Variants in CTNNA3 observed in about 807,000 individuals in gnomAD.
CTNNA3 encodes the protein catenin alpha-3.
In CTNNA3, 76 loss-of-function variants were observed where a neutral mutation model predicts 95.7. The ratio of observed to expected loss-of-function variants is 0.79; its 90% confidence interval spans 0.66 to 0.96. The LOEUF is 0.96. Among genes scored for constraint, CTNNA3 ranks in the 40% least tolerant of loss-of-function variants. The pLI, the probability that CTNNA3 is intolerant of heterozygous loss-of-function variation, is 0.00. For synonymous variants in CTNNA3, 431 were observed against 374.4 expected, an observed-to-expected ratio of 1.15 and a Z score of -1.74; for missense variants, 1,191 against 1,089.8, an observed-to-expected ratio of 1.09 and a Z score of -1.31.
intron 13 of CTNNA3, among the ~76,000 whole-genome samples, chr10:66,262,968 G>A (rs535485664): frequency 3.9e-5 from 6 of 151,988 alleles, no homozygotes; most frequent in East Asian, 1.9e-4. Flanking sequence ...GAAGTAGACC[G>A]TGGGTGAATC....
chr10:66,739,202 G>A (rs1312905317), intron 9 of CTNNA3, among the ~76,000 whole-genome samples: 1 of 152,116 alleles, frequency 6.6e-6, no homozygotes, highest in South Asian at 2.1e-4. Context: ...TTAGAGCAAT[G>A]GTTCTCAAAC....
At chr10:66,193,912 T>G (rs909062452) in intron 13 of CTNNA3, among the ~76,000 whole-genome samples, 1 of 152,162 alleles carries the variant, frequency 6.6e-6, no homozygotes, top group South Asian at 2.1e-4. Flanking sequence ...CAAGAATATA[T>G]TGTCCATACA....
rs548330894 is a variant in CTNNA3, at chr10:66,875,943, T to C, written c.1048-100419A>G. Reference sequence around the variant, plus strand: ...TCAGTGTCAGGTGCCTACAGATTTGTGGTGTGTGGCTCATTGGCTGACGTG... The same window carrying C: ...TCAGTGTCAGGTGCCTACAGATTTGCGGTGTGTGGCTCATTGGCTGACGTG... On this transcript the variant is annotated intron_variant, in intron 7 of 17. Coordinates refer to ENST00000433211, the MANE Select transcript of CTNNA3 (RefSeq NM_013266.4). 9.5e-4 allele frequency among the ~76,000 whole-genome samples: 144 copies of C among 152,232 alleles called. 1 individual carries two copies. Among genetic ancestry groups the C allele is most frequent in the African/African-American group, 3.2e-3 (134 of 41,540 alleles).
At chr10:67,249,947 A>G (rs1012193644) in intron 5 of CTNNA3, among the ~76,000 whole-genome samples, 2 of 152,254 alleles carry the variant, frequency 1.3e-5, no homozygotes, top group African/African-American at 4.8e-5. Flanking sequence ...GGTCCCAGCT[A>G]GGTACCAACA....
At chr10:65,959,424 C>G (rs1462264655) in intron 17 of CTNNA3, among the ~76,000 whole-genome samples, 1 of 152,182 alleles carries the variant, frequency 6.6e-6, no homozygotes, top group East Asian at 1.9e-4. Flanking sequence ...GAGATGAACC[C>G]AGTACCTCAG....
chr10:67,308,138 C>T (rs1390331547), intron 5 of CTNNA3, among the ~76,000 whole-genome samples: 1 of 152,150 alleles, frequency 6.6e-6, no homozygotes, highest in African/African-American at 2.4e-5. Context: ...ATCATTCCTT[C>T]CCCTCTTTTG....
At chr10:66,890,032 C>G (rs1300994355) in intron 7 of CTNNA3, among the ~76,000 whole-genome samples, 2 of 152,088 alleles carry the variant, frequency 1.3e-5, no homozygotes. Context: ...CTCAAGTGAT[C>G]CACCCGCCTT....
intron 7 of CTNNA3, among the ~76,000 whole-genome samples, chr10:67,022,887 G>A (rs1009977384): frequency 2.6e-5 from 4 of 152,094 alleles, no homozygotes; most frequent in Admixed American, 6.5e-5. Context: ...GCAGTGAGCC[G>A]AGATCATGCC....
intron 11 of CTNNA3, among the ~76,000 whole-genome samples, chr10:66,480,472 G>A (rs574358166): frequency 1.3e-5 from 2 of 151,940 alleles, no homozygotes; most frequent in South Asian, 4.2e-4. Context: ...TATTTAACTA[G>A]TCATTTATTC....
intron 13 of CTNNA3, among the ~76,000 whole-genome samples, chr10:66,142,782 T>G (rs965448163): frequency 6.6e-6 from 1 of 152,130 alleles, no homozygotes; most frequent in African/African-American, 2.4e-5. Context: ...TTTTCTTCAG[T>G]GAATTCTAAT....
chr10:67,195,513 G>T (rs1863317716), intron 6 of CTNNA3, among the ~76,000 whole-genome samples: 1 of 122,108 alleles, frequency 8.2e-6, no homozygotes, highest in South Asian at 3.1e-4. Context: ...ATCGGGGGCG[G>T]GGGGCGGGTA....
chr10:66,719,424 AG>A (rs1290095917), intron 9 of CTNNA3, among the ~76,000 whole-genome samples: 1 of 152,170 alleles, frequency 6.6e-6, no homozygotes, highest in Non-Finnish European at 1.5e-5. Flanking sequence ...ACATTTTAGG[AG>A]CAAAAGATAT....
At chr10:66,853,389 T>C (rs533483276) in intron 7 of CTNNA3, among the ~76,000 whole-genome samples, 3 of 152,272 alleles carry the variant, frequency 2.0e-5, no homozygotes, top group South Asian at 4.1e-4. Context: ...AACTCTCTTT[T>C]ATGTGCAATT....
chr10:67,718,518 G>C (rs997026901), intron 1 of CTNNA3, among the ~76,000 whole-genome samples: 24 of 152,112 alleles, frequency 1.6e-4, no homozygotes, highest in Admixed American at 1.3e-4. Flanking sequence ...TAGCATGAAG[G>C]GGTGTTAAAT....
At chr10:66,123,757 G>A (rs1436217074) in intron 13 of CTNNA3, among the ~76,000 whole-genome samples, 1 of 152,166 alleles carries the variant, frequency 6.6e-6, no homozygotes, top group Non-Finnish European at 1.5e-5. Context: ...ACATCATGTG[G>A]AAGCTGACAA....
intron 3 of CTNNA3, among the ~76,000 whole-genome samples, chr10:67,560,942 C>A (rs1013711798): frequency 6.6e-6 from 1 of 152,090 alleles, no homozygotes; most frequent in African/African-American, 2.4e-5. Context: ...AGCTAACTAT[C>A]CTAAATATAT....
At chr10:66,802,930 T>C (rs1356880189) in intron 7 of CTNNA3, among the ~76,000 whole-genome samples, 1 of 152,004 alleles carries the variant, frequency 6.6e-6, no homozygotes, top group Non-Finnish European at 1.5e-5. Context: ...CAAAGAAATC[T>C]GAACCTTGAT....
At chr10:67,013,629 CAAAAGTATT>C (rs1227406748) in intron 7 of CTNNA3, among the ~76,000 whole-genome samples, 1 of 152,028 alleles carries the variant, frequency 6.6e-6, no homozygotes, top group African/African-American at 2.4e-5. Flanking sequence ...TTTCTTGATA[CAAAAGTATT>C]AAAAGTATTA....
At chr10:66,229,598 T>A (rs1309451116) in intron 13 of CTNNA3, among the ~76,000 whole-genome samples, 4 of 152,174 alleles carry the variant, frequency 2.6e-5, no homozygotes, top group Non-Finnish European at 4.4e-5. Context: ...CTTCTGTTAG[T>A]CTGATAGGGA....
Sources: gnomAD v4.1 joint callset for allele counts (sites outside exome capture counted in the v4.1 genomes callset) on GRCh38, gnomAD v4.1.1 for gene constraint, MANE v1.5 for transcripts, NCBI Gene and HGNC (gene_info 2026-07-23, HGNC 2026-07-21) for gene names.